The following CCNB2 variants were observed in gnomAD, a reference collection of about 807,000 sequenced individuals.
The protein encoded by CCNB2 is G2/mitotic-specific cyclin-B2.
CCNB2 carries 39 observed loss-of-function variants against 51.1 expected under a neutral mutation model. The observed-to-expected ratio is 0.76, with a 90% confidence interval of 0.59 to 1.00. The LOEUF (loss-of-function observed/expected upper bound fraction) is 1.00, where lower values mean the gene tolerates loss of function less well. CCNB2 is among the 50% of genes least tolerant of loss of function. The probability of loss-of-function intolerance (pLI) is 0.00; values close to 1 mark genes in which losing one functional copy is unlikely to be tolerated. For missense variants in CCNB2, 472 were observed against 470.3 expected (o/e 1.00, Z -0.03); for synonymous variants, 174 against 165.5 (o/e 1.05, Z -0.40).
Position 59,116,883 on chromosome 15 carries a change from C to T in CCNB2, c.791C>T (p.Pro264Leu), listed in dbSNP as rs2079281260. The T allele has an allele frequency of 6.2e-7, 1 of 1,613,950 alleles. No homozygotes were observed. Among genetic ancestry groups the T allele is most frequent in the Non-Finnish European group, 8.5e-7 (1 of 1,180,032 alleles). Residue 264 changes from proline to leucine, a missense_variant, in exon 6 of 9, where the codon CCC (proline) becomes CTC (leucine). Coordinates refer to ENST00000288207, the MANE Select transcript of CCNB2 (RefSeq NM_004701.4). ...LKELKFELGR[P>L]LPLHFLRRAS... ...GAATTGAAATTTGAGTTGGGTCGACCCTTGCCACTACACTTCTTAAGGCGA... is the reference window on the plus strand; with the variant it reads ...GAATTGAAATTTGAGTTGGGTCGACTCTTGCCACTACACTTCTTAAGGCGA...
chr15:59,112,000 C>T (rs771492318), intron 3 of CCNB2, among the ~76,000 whole-genome samples: 11 of 151,754 alleles, frequency 7.2e-5, no homozygotes, highest in African/African-American at 1.2e-4. Context: ...AACAAGTGTG[C>T]GCCACCATGC....
intron 3 of CCNB2, among the ~76,000 whole-genome samples, chr15:59,113,201 TCTC>T (rs1452686036): frequency 2.0e-5 from 3 of 152,192 alleles, no homozygotes; most frequent in Middle Eastern, 3.2e-3. Flanking sequence ...TTCGCTCCCT[TCTC>T]CTATTTTATT....
chr15:59,111,001 A>G (rs2079255313), intron 3 of CCNB2, among the ~76,000 whole-genome samples: 1 of 152,194 alleles, frequency 6.6e-6, no homozygotes, highest in Non-Finnish European at 1.5e-5. Context: ...GTATGGCTTT[A>G]TCTGTCACAA....
In CCNB2 at chr15:59,105,803, T is replaced by C. The variant is rs28383496; in HGVS notation, c.24+511T>C. Among the ~76,000 whole-genome samples the C allele has an allele frequency of 8.6e-3, 1,303 of 152,320 alleles. 15 individuals are homozygous for C. Among genetic ancestry groups the C allele is most frequent in the African/African-American group, 0.03 (1,253 of 41,562 alleles). On this transcript the variant is annotated intron_variant, in intron 1 of 8. Coordinates refer to ENST00000288207, the MANE Select transcript of CCNB2 (RefSeq NM_004701.4). Reference sequence around the variant, plus strand: ...TTTTTCAGATTGTTCACATTTCTTTTTGTATGAGTTTCCCATTTATTTCGG... The same window carrying C: ...TTTTTCAGATTGTTCACATTTCTTTCTGTATGAGTTTCCCATTTATTTCGG...
chr15:59,114,050 T>C (rs1466787825), intron 3 of CCNB2, among the ~76,000 whole-genome samples: 1 of 152,162 alleles, frequency 6.6e-6, no homozygotes, highest in Non-Finnish European at 1.5e-5. Flanking sequence ...GAATGTAACA[T>C]TTAAGTAAAA....
intron 1 of CCNB2, 41 bp downstream of exon 1, chr15:59,105,333 G>A: frequency 3.2e-6 from 5 of 1,540,198 alleles, no homozygotes; most frequent in East Asian, 2.4e-5. Flanking sequence ...CGAGTCCGTC[G>A]GCCCCACAGC....
chr15:59,122,524 CTT>C (rs547047403), intron 7 of CCNB2, among the ~76,000 whole-genome samples: 98 of 138,538 alleles, frequency 7.1e-4, no homozygotes, highest in African/African-American at 2.5e-3. Flanking sequence ...TGCGCCTGGC[CTT>C]TTTTTTTTTT....
At chr15:59,118,610 G>GC (rs1334643283) in intron 7 of CCNB2, among the ~76,000 whole-genome samples, 3 of 152,208 alleles carry the variant, frequency 2.0e-5, no homozygotes, top group Admixed American at 2.0e-4. Flanking sequence ...CTTGAACCCG[G>GC]AAGACAAAAG....
At chr15:59,120,594 TA>T (rs2079298182) in intron 7 of CCNB2, among the ~76,000 whole-genome samples, 1 of 152,040 alleles carries the variant, frequency 6.6e-6, no homozygotes, top group Non-Finnish European at 1.5e-5. Flanking sequence ...CATAATGACA[TA>T]AAAAATAAAA....
intron 3 of CCNB2, among the ~76,000 whole-genome samples, chr15:59,112,033 G>A (rs544509980): frequency 1.1e-3 from 161 of 151,698 alleles, no homozygotes; most frequent in Non-Finnish European, 2.0e-3. Flanking sequence ...TGTATTTTTT[G>A]TAGAGGCGAG....
chr15:59,123,609 AAACTT>A lies in CCNB2; in HGVS notation c.1073_1077del (p.Leu358Ter), dbSNP rs770704262. 46 of 1,606,678 alleles carry A rather than the reference AAACTT, an allele frequency of 2.9e-5. No homozygotes were observed. The highest frequency in any genetic ancestry group is 3.8e-5 in the Non-Finnish European group (45 of 1,174,038). On this transcript the variant is annotated frameshift_variant, in exon 8 of 9. Transcript: ENST00000288207. LOFTEE classifies it high-confidence loss of function. ...CCAAGAATGTGGTGAAAGTAAATGA[AAACTT>A]AACTAAATTCATCGTAAGTACTACT...
chr15:59,114,413 C>T, intron 3 of CCNB2, 31 bp from the exon 4 acceptor site: 1 of 1,532,868 alleles, frequency 6.5e-7, no homozygotes. Context: ...GTTAAGGCTG[C>T]TCCTACATGT....
chr15:59,105,702 C>T (rs1482258949), intron 1 of CCNB2, among the ~76,000 whole-genome samples: 10 of 152,162 alleles, frequency 6.6e-5, no homozygotes, highest in African/African-American at 2.4e-4. Flanking sequence ...CCTGTGATGG[C>T]GGCTGGGAGG....
At chr15:59,107,192 C>G (rs1364656593) in intron 1 of CCNB2, 130 bp from the exon 2 acceptor site, 53 of 803,744 alleles carry the variant, frequency 6.6e-5, no homozygotes, top group Admixed American at 1.2e-4. Flanking sequence ...CTGAAATGTA[C>G]CTTTTCCATC....
At chr15:59,117,417 T>C in intron 7 of CCNB2, 49 bp downstream of exon 7, 1 of 1,578,316 alleles carries the variant, frequency 6.3e-7, no homozygotes, top group Non-Finnish European at 8.7e-7. Context: ...TTTTAGTCCT[T>C]CGTAATACAA....
At chr15:59,107,472 T>A in intron 2 of CCNB2, 22 bp downstream of exon 2, 1 of 1,614,016 alleles carries the variant, frequency 6.2e-7, no homozygotes, top group Non-Finnish European at 8.5e-7. Flanking sequence ...GAAGACTGAA[T>A]GTGAATACAG....
intron 7 of CCNB2, among the ~76,000 whole-genome samples, 195 bp from the exon 8 acceptor site, chr15:59,123,321 GC>G (rs2079311296): frequency 6.6e-6 from 1 of 152,208 alleles, no homozygotes; most frequent in African/African-American, 2.4e-5. Flanking sequence ...GAATCATCTT[GC>G]ATTTACCAGC....
At chr15:59,106,050 C>A (rs1390261364) in intron 1 of CCNB2, among the ~76,000 whole-genome samples, 1 of 152,092 alleles carries the variant, frequency 6.6e-6, no homozygotes, top group African/African-American at 2.4e-5. Context: ...CCGGGACCTA[C>A]TTTTTTCCTT....
intron 3 of CCNB2, among the ~76,000 whole-genome samples, chr15:59,113,362 C>G (rs182433025): frequency 7.2e-5 from 11 of 152,276 alleles, no homozygotes; most frequent in African/African-American, 2.6e-4. Context: ...CCCAGGTGGT[C>G]AAGTTTCTTC....
Sources: gnomAD v4.1 joint callset for allele counts (sites outside exome capture counted in the v4.1 genomes callset) on GRCh38, gnomAD v4.1.1 for gene constraint, MANE v1.5 for transcripts, NCBI Gene and HGNC (gene_info 2026-07-23, HGNC 2026-07-21) for gene names.